The following TTLL5 variants were observed in gnomAD, a reference collection of about 807,000 sequenced individuals.
TTLL5 encodes the protein tubulin polyglutamylase TTLL5.
Under a neutral mutation model 168.4 loss-of-function variants are expected in TTLL5, and 132 were observed. That is an observed-to-expected ratio of 0.78 (90% confidence interval 0.68 to 0.91). The LOEUF is 0.91. Ranked by LOEUF, TTLL5 falls within the 40% of genes least tolerant of loss-of-function variation. TTLL5 has a pLI of 0.00. For synonymous variants in TTLL5, 546 were observed against 558.6 expected (o/e 0.98, Z 0.32); for missense variants, 1,545 against 1,581.5 (o/e 0.98, Z 0.39).
intron 2 of TTLL5, among the ~76,000 whole-genome samples, chr14:75,666,244 C>T (rs140682789): frequency 1.3e-5 from 2 of 152,310 alleles, no homozygotes; most frequent in East Asian, 3.9e-4. Flanking sequence ...GATGTATATC[C>T]ATGGACATCT....
At chr14:75,875,974 T>C (rs561613252) in intron 29 of TTLL5, among the ~76,000 whole-genome samples, 2 of 152,354 alleles carry the variant, frequency 1.3e-5, no homozygotes, top group South Asian at 4.1e-4. Flanking sequence ...TTTTTATGTA[T>C]GTGTGTGTGA....
chr14:75,858,224 C>T (rs112855396), intron 28 of TTLL5, among the ~76,000 whole-genome samples: 2,334 of 152,096 alleles, frequency 0.015, 73 homozygotes, highest in African/African-American at 0.054. Context: ...ACATTTGCAC[C>T]GATGGTACAA....
At chr14:75,675,554 A>G (rs978372961) in intron 3 of TTLL5, among the ~76,000 whole-genome samples, 1 of 152,212 alleles carries the variant, frequency 6.6e-6, no homozygotes, top group African/African-American at 2.4e-5. Context: ...GATGTGATGC[A>G]TGTTAAGAGG....
intron 18 of TTLL5, among the ~76,000 whole-genome samples, chr14:75,756,192 C>G (rs774745903): frequency 5.3e-5 from 8 of 152,104 alleles, no homozygotes; most frequent in Admixed American, 3.9e-4. Flanking sequence ...GACAAAACAT[C>G]TTGGTGAAGA....
At chr14:75,849,110 A>G (rs889543142) in intron 28 of TTLL5, among the ~76,000 whole-genome samples, 36 of 152,304 alleles carry the variant, frequency 2.4e-4, no homozygotes, top group African/African-American at 8.2e-4. Context: ...TTCTTCCCAA[A>G]TTTATGTAAT....
chr14:75,748,220 T>C (rs1264977546), intron 17 of TTLL5, among the ~76,000 whole-genome samples: 1 of 151,868 alleles, frequency 6.6e-6, no homozygotes, highest in Non-Finnish European at 1.5e-5. Context: ...GTAACAGTTA[T>C]CCTCTCATGT....
intron 27 of TTLL5, among the ~76,000 whole-genome samples, chr14:75,802,319 A>G (rs1012724134): frequency 4.6e-5 from 7 of 151,686 alleles, no homozygotes; most frequent in African/African-American, 1.7e-4. Context: ...AAAGCTATGA[A>G]TTTTTCTCTG....
In TTLL5 at chr14:75,927,771, T is replaced by A. The variant is rs1007900426; in HGVS notation, c.3823+25547T>A. Among the ~76,000 whole-genome samples, 32 of 152,112 alleles carry A rather than the reference T, an allele frequency of 2.1e-4. 4 individuals carry two copies. Among genetic ancestry groups the A allele is most frequent in the Admixed American group, 1.6e-3 (25 of 15,276 alleles). On this transcript the variant is annotated intron_variant, in intron 31 of 31. Transcript: ENST00000298832. ...TTCCCTGTTTGGAAAGGTGTCAGGC[T>A]CCCGAGTATTTCTGTTGCTTTCGTC... is the stretch of plus-strand genomic sequence containing the variant.
chr14:75,873,327 G>T (rs1204261703), intron 29 of TTLL5, among the ~76,000 whole-genome samples: 1 of 152,076 alleles, frequency 6.6e-6, no homozygotes, highest in East Asian at 1.9e-4. Context: ...GCCTGCCTTG[G>T]CCTCCCAAAG....
chr14:75,774,930 C>A (rs954894231), intron 21 of TTLL5, among the ~76,000 whole-genome samples: 2 of 152,084 alleles, frequency 1.3e-5, no homozygotes, highest in African/African-American at 4.8e-5. Context: ...CTCAAGTGAT[C>A]TGCCCACCTC....
In TTLL5 at chr14:75,713,345, C is replaced by T. The variant is rs117251680; in HGVS notation, c.741-4516C>T. On this transcript the variant is annotated intron_variant, in intron 9 of 31. Transcript: ENST00000298832. The stretch of plus-strand genomic sequence containing the variant: ...GTATTCAGTATAGTACAATGCTGTA[C>T]AGGTTTGTAGCCTACAAGCAAGAAG... Among the ~76,000 whole-genome samples the T allele has an allele frequency of 4.4e-3, 671 of 152,300 alleles. 22 individuals are homozygous for T. In the East Asian group the frequency reaches 0.053, roughly 12 times the overall value.
chr14:75,714,261 A>G (rs1256151120), intron 9 of TTLL5, among the ~76,000 whole-genome samples: 1 of 152,170 alleles, frequency 6.6e-6, no homozygotes, highest in African/African-American at 2.4e-5. Flanking sequence ...GTGGTGTTTG[A>G]CCATTTGCTT....
intron 20 of TTLL5, among the ~76,000 whole-genome samples, chr14:75,768,840 A>T (rs762798169): frequency 1.2e-4 from 18 of 152,188 alleles, no homozygotes; most frequent in Admixed American, 3.3e-4. Context: ...ATGGAGAATA[A>T]GAATAGTTCT....
At chr14:75,844,751 A>T (rs756768070) in intron 28 of TTLL5, among the ~76,000 whole-genome samples, 14 of 152,144 alleles carry the variant, frequency 9.2e-5, no homozygotes, top group Admixed American at 2.0e-4. Context: ...AGCCACACTC[A>T]CTCATGCCCT....
At chr14:75,887,236 C>T (rs1038630094) in intron 30 of TTLL5, 4 of 987,344 alleles carry the variant, frequency 4.1e-6, no homozygotes, top group Non-Finnish European at 4.8e-6. Context: ...TGAGGTCAGC[C>T]GTATGATGAA....
At chr14:75,924,775 GC>G (rs1157665309) in intron 31 of TTLL5, among the ~76,000 whole-genome samples, 1 of 151,886 alleles carries the variant, frequency 6.6e-6, no homozygotes, top group African/African-American at 2.4e-5. Context: ...TGTCATCCCG[GC>G]CCGCTCTCAA....
chr14:75,927,610 C>T (rs1052641357), intron 31 of TTLL5, among the ~76,000 whole-genome samples: 4 of 152,126 alleles, frequency 2.6e-5, no homozygotes, highest in Non-Finnish European at 4.4e-5. Flanking sequence ...GACTGCCTCC[C>T]GTGTGTGAAG....
chr14:75,667,441 A>G (rs1465615164), intron 2 of TTLL5, among the ~76,000 whole-genome samples: 1 of 152,218 alleles, frequency 6.6e-6, no homozygotes, highest in African/African-American at 2.4e-5. Flanking sequence ...CATAGGAATC[A>G]CCTGGCTTCA....
At chr14:75,930,454 G>A (rs565925600) in intron 31 of TTLL5, 75 of 405,430 alleles carry the variant, frequency 1.8e-4, no homozygotes, top group Non-Finnish European at 2.2e-4. Context: ...TTTCAGATTA[G>A]GGATGTTCAA....
Sources: gnomAD v4.1 joint callset for allele counts (sites outside exome capture counted in the v4.1 genomes callset) on GRCh38, gnomAD v4.1.1 for gene constraint, MANE v1.5 for transcripts, NCBI Gene and HGNC (gene_info 2026-07-23, HGNC 2026-07-21) for gene names.